Variants in TMEM260 observed in about 807,000 individuals in gnomAD.
TMEM260 encodes protein O-mannosyl-transferase TMEM260.
In TMEM260, 82 loss-of-function variants were observed where a neutral mutation model predicts 88.9. The observed-to-expected ratio is 0.92, with a 90% CI of 0.77 to 1.11. TMEM260 has a LOEUF of 1.11. TMEM260 is among the 50% of genes least tolerant of loss of function. The probability of loss-of-function intolerance (pLI) is 0.00; values close to 1 mark genes in which losing one functional copy is unlikely to be tolerated. For synonymous variants in TMEM260, 314 were observed against 309.3 expected, an observed-to-expected ratio of 1.02 and a Z score of -0.16; for missense variants, 902 against 853.4, an observed-to-expected ratio of 1.06 and a Z score of -0.71.
chr14:56,587,032 A>G (rs1885549986), intron 3 of TMEM260, among the ~76,000 whole-genome samples: 2 of 151,612 alleles, frequency 1.3e-5, no homozygotes, highest in South Asian at 2.1e-4. Context: ...CTTTTTCTCA[A>G]TGGTTAGGAT....
At chr14:56,582,968 A>G (rs998659559) in intron 1 of TMEM260, among the ~76,000 whole-genome samples, 1 of 152,248 alleles carries the variant, frequency 6.6e-6, no homozygotes, top group East Asian at 1.9e-4. Context: ...CTGGCAAATA[A>G]TAACAGCACA....
chr14:56,612,866 AT>A (rs748488527), intron 7 of TMEM260: 4 of 152,198 alleles, frequency 2.6e-5, no homozygotes, highest in Non-Finnish European at 5.9e-5. Context: ...TATATAGAGC[AT>A]TTATAGAACT....
In TMEM260 at chr14:56,617,280, C is replaced by T. The variant is rs759295728; in HGVS notation, c.1039C>T (p.Pro347Ser). ...AWRANLDISK[P>S]LFMGVVERFW... is the part of the protein sequence containing the mutation. ...GAGAGCAAATTTAGATATTTCAAAA[C>T]CACTTTTCATGGGTGTGGTAAGTTT... Residue 347 changes from proline to serine, a missense_variant, in exon 9 of 16, where the codon CCA (proline) becomes TCA (serine). Coordinates refer to ENST00000261556, the MANE Select transcript of TMEM260 (RefSeq NM_017799.4). 1 of 1,595,756 alleles carries T rather than the reference C, an allele frequency of 6.3e-7. No homozygotes were observed. Among genetic ancestry groups the T allele is most frequent in the South Asian group, 1.1e-5 (1 of 87,386 alleles).
At chr14:56,607,052 T>G (rs1886956625) in intron 5 of TMEM260, among the ~76,000 whole-genome samples, 1 of 152,172 alleles carries the variant, frequency 6.6e-6, no homozygotes, top group African/African-American at 2.4e-5. Flanking sequence ...TTAACAGTGG[T>G]TTTATAGTGT....
downstream of TMEM260, among the ~76,000 whole-genome samples, chr14:56,654,307 C>T (rs12433004): frequency 0.32 from 49,189 of 151,996 alleles, 9,787 homozygotes; most frequent in East Asian, 0.54. Context: ...TACATTCCAG[C>T]TGAATCAGCT....
chr14:56,591,041 T>C (rs921438625), intron 3 of TMEM260, among the ~76,000 whole-genome samples: 5 of 152,234 alleles, frequency 3.3e-5, no homozygotes, highest in Admixed American at 6.5e-5. Context: ...TTTGCACAGC[T>C]ACTGTGCTGC....
Position 56,609,150 on chromosome 14 carries a change from T to C in TMEM260, c.681T>C (p.Ser227=). 2 of 1,614,214 alleles carry C rather than the reference T, an allele frequency of 1.2e-6. No individual in the cohort carries two copies. The highest frequency in any genetic ancestry group is 1.7e-6 in the Non-Finnish European group (2 of 1,180,032). ...TGTTGAAGTTGAGCCTGTACTTCTC[T>C]GCTGGTTTGCTGCCCTATGTCCACC... ...GSLLKLSLYF[S]AGLLPYVHLP... The change falls in exon 6 of 16, where the codon TCT becomes TCC. Residue 227 remains serine (S), a synonymous_variant. Transcript: ENST00000261556.
the TMEM260 span, among the ~76,000 whole-genome samples, chr14:56,656,523 G>T: frequency 9.9e-5 from 15 of 152,218 alleles, 1 homozygote; most frequent in African/African-American, 3.6e-4. Context: ...AAATGAAAAA[G>T]GTTAATATTT....
chr14:56,603,243 C>T lies in TMEM260; in HGVS notation c.345-572C>T, dbSNP rs1285850049. ...GAAAAAAAATTAGTTTTAACTTCAC[C>T]GTTGTCTAAAGAAAAAAAACCCTTG... is the stretch of plus-strand genomic sequence containing the variant. On this transcript the variant is annotated intron_variant, in intron 3 of 15. Coordinates refer to ENST00000261556, the MANE Select transcript of TMEM260 (RefSeq NM_017799.4). Among the ~76,000 whole-genome samples the T allele has an allele frequency of 3.0e-5, 3 of 99,204 alleles. No individual in the cohort carries two copies. The Admixed American group carries it at 3.7e-4, about 12-fold the overall frequency. 65.1% of individuals were successfully genotyped at this position (99,204 alleles called of 152,430 possible).
intron 2 of TMEM260, 116 bp downstream of exon 2, chr14:56,585,148 G>C: frequency 2.2e-6 from 2 of 924,530 alleles, no homozygotes; most frequent in Non-Finnish European, 3.3e-6. Flanking sequence ...CCCGTTTTTA[G>C]TAACTTATAA....
At chr14:56,614,218 T>TC (rs1887462611) in intron 7 of TMEM260, among the ~76,000 whole-genome samples, 3 of 83,268 alleles carry the variant, frequency 3.6e-5, no homozygotes, top group Non-Finnish European at 4.8e-5. Flanking sequence ...CTACAAAACA[T>TC]TAAAAAAAAA....
rs544057332 is a variant in TMEM260, at chr14:56,613,410, T to C, written c.857+1125T>C. 9.2e-5 allele frequency: 14 copies of C among 152,332 alleles called. No homozygotes were observed. The South Asian group carries it at 2.9e-3, about 32-fold the overall frequency. The allele number at this position is 152,332 out of a possible 1,614,324, so 9.4% of individuals were successfully genotyped here. ...TACTTCAAAAAAGGTACATAAGCTTTATAGAAAACTTAGAAAATACAGGTA... is the reference window on the plus strand; with the variant it reads ...TACTTCAAAAAAGGTACATAAGCTTCATAGAAAACTTAGAAAATACAGGTA... On this transcript the variant is annotated intron_variant, in intron 7 of 15. Transcript: ENST00000261556.
chr14:56,586,833 G>A (rs1024235213), intron 3 of TMEM260, among the ~76,000 whole-genome samples: 1 of 151,874 alleles, frequency 6.6e-6, no homozygotes, highest in Middle Eastern at 3.2e-3. Context: ...TTTATAGAAA[G>A]ATAAGAGTTA....
intron 3 of TMEM260, among the ~76,000 whole-genome samples, chr14:56,591,443 G>A (rs1437913197): frequency 1.3e-5 from 2 of 152,126 alleles, no homozygotes; most frequent in Non-Finnish European, 2.9e-5. Flanking sequence ...TGGATGTTCT[G>A]CCTTGACTTC....
In TMEM260 at chr14:56,607,081, A is replaced by G. The variant is rs551084498; in HGVS notation, c.636+1398A>G. Among the ~76,000 whole-genome samples, 55 of 152,312 alleles carry G rather than the reference A, an allele frequency of 3.6e-4. No homozygotes were observed. In the East Asian group the frequency reaches 0.01, roughly 28 times the overall value. ...ATAGTGTATATAGCAAGTTCTTTAT[A>G]TGGCCTTTTATTATATAAACCTTGA... On this transcript the variant is annotated intron_variant, in intron 5 of 15. Coordinates refer to ENST00000261556, the MANE Select transcript of TMEM260 (RefSeq NM_017799.4).
At chr14:56,629,831 T>C (rs1300958246) in intron 12 of TMEM260, among the ~76,000 whole-genome samples, 4 of 152,086 alleles carry the variant, frequency 2.6e-5, no homozygotes, top group African/African-American at 9.7e-5. Context: ...GCCCAGGAGT[T>C]CAAGACCAAC....
chr14:56,662,496 A>G, the TMEM260 span, among the ~76,000 whole-genome samples: 303 of 152,240 alleles, frequency 2.0e-3, 2 homozygotes, highest in African/African-American at 7.2e-3. Flanking sequence ...CACCCCTGCT[A>G]TATCTCAGAA....
chr14:56,651,807 G>C (rs1207473549), downstream of TMEM260, among the ~76,000 whole-genome samples: 1 of 152,180 alleles, frequency 6.6e-6, no homozygotes, highest in African/African-American at 2.4e-5. Context: ...AAGAAGTATA[G>C]GGTGAAGTAC....
rs1017626584 is a variant in TMEM260, at chr14:56,617,272, T to C, written c.1031T>C (p.Ile344Thr). 2.5e-6 allele frequency: 4 copies of C among 1,599,214 alleles called. No homozygotes were observed. Among genetic ancestry groups the C allele is most frequent in the Non-Finnish European group, 3.4e-6 (4 of 1,174,540 alleles). Residue 344 changes from isoleucine (I) to threonine (T), a missense_variant, in exon 9 of 16, where the codon ATT (isoleucine) becomes ACT (threonine). Ile to Thr is a moderately conservative substitution (Grantham distance 89, BLOSUM62 -1). Coordinates refer to ENST00000261556, the MANE Select transcript of TMEM260 (RefSeq NM_017799.4). ...TTTGCTTGGAGAGCAAATTTAGATA[T>C]TTCAAAACCACTTTTCATGGGTGTG... is the stretch of plus-strand genomic sequence containing the variant. ...LFFAWRANLD[I>T]SKPLFMGVVE...
Sources: allele counts gnomAD v4.1 joint callset (sites outside exome capture counted in the v4.1 genomes callset), GRCh38; gene constraint gnomAD v4.1.1; transcripts MANE v1.5; gene names NCBI Gene and HGNC (gene_info 2026-07-23, HGNC 2026-07-21).